Variants in CSMD2 observed in about 807,000 individuals in gnomAD.
CSMD2 encodes the protein CUB and Sushi multiple domains 2, also known as CUB and sushi domain-containing protein 2.
A neutral mutation model predicts 398.5 loss-of-function variants in CSMD2; 130 were observed. The ratio of observed to expected loss-of-function variants is 0.33; its 90% CI spans 0.28 to 0.38. The LOEUF (loss-of-function observed/expected upper bound fraction) is 0.38. Ranked by LOEUF, CSMD2 falls within the 10% of genes least tolerant of loss-of-function variation. The pLI, the probability that CSMD2 is intolerant of heterozygous loss-of-function variation, is 1.00. For missense variants in CSMD2, 3,829 were observed against 4,764.9 expected (o/e 0.80, Z 5.78); for synonymous variants, 1,828 against 1,908.5 (o/e 0.96, Z 1.10).
At chr1:33,724,729 G>T (rs755427373) in intron 17 of CSMD2, 25 bp from the exon 18 acceptor site, 1 of 1,604,818 alleles carries the variant, frequency 6.2e-7, no homozygotes, top group Non-Finnish European at 8.5e-7. Flanking sequence ...CCACAGCTGG[G>T]ACAGACAGCT....
rs1350304859 is a variant in CSMD2, at chr1:34,164,371, A to T, written c.187+540T>A. Among the ~76,000 whole-genome samples the T allele has an allele frequency of 2.6e-5, 4 of 151,916 alleles. No homozygotes were observed. The highest frequency in any genetic ancestry group is 4.4e-5 in the Non-Finnish European group (3 of 67,910). On this transcript the variant is annotated intron_variant, in intron 1 of 70. Transcript: ENST00000373381. This position sits in a 1 kb window ranked among gnomAD's most constrained non-coding sequence, Gnocchi z 6.2. ...ATTTGAGGAGGGGGATGGCGGCCGC[A>T]GTCTGCAGTCGGTTCCAGAGGGGGC...
chr1:33,997,169 C>G (rs776768009), intron 3 of CSMD2, among the ~76,000 whole-genome samples: 5 of 152,174 alleles, frequency 3.3e-5, no homozygotes, highest in Non-Finnish European at 7.4e-5. Context: ...GGTTTCCCTG[C>G]TCATCGATGC....
At chr1:33,994,318 C>T (rs1646656722) in intron 3 of CSMD2, among the ~76,000 whole-genome samples, 1 of 151,976 alleles carries the variant, frequency 6.6e-6, no homozygotes, top group South Asian at 2.1e-4. Flanking sequence ...GACAGGCAGG[C>T]AAATTTCATT....
rs1557861509 is a variant in CSMD2, at chr1:33,766,198, G to GT, written c.1846+6370_1846+6371insA. 4.2e-4 allele frequency among the ~76,000 whole-genome samples: 64 copies of GT among 152,102 alleles called. 1 individual carries two copies. The highest frequency in any genetic ancestry group is 3.4e-3 in the Middle Eastern group (1 of 294). ...CAGTGTGGGCGCGCGTGTGTGTGTG[G>GT]GTGTTTATGTGTGCGTCAATGTATC... On this transcript the variant is annotated intron_variant, in intron 13 of 70. Coordinates refer to ENST00000373381, the MANE Select transcript of CSMD2 (RefSeq NM_001281956.2).
chr1:34,106,245 T>C (rs1660515426), intron 1 of CSMD2, among the ~76,000 whole-genome samples: 1 of 152,118 alleles, frequency 6.6e-6, no homozygotes, highest in South Asian at 2.1e-4. Context: ...TGCTGTTCAA[T>C]CTTAGGGGAA....
chr1:33,874,374 A>G (rs1640686760), intron 5 of CSMD2, among the ~76,000 whole-genome samples: 2 of 152,256 alleles, frequency 1.3e-5, no homozygotes, highest in African/African-American at 2.4e-5. Flanking sequence ...CATTTTACAG[A>G]CAACTTGAAC....
chr1:34,010,525 G>A (rs1477857366), intron 3 of CSMD2, among the ~76,000 whole-genome samples: 2 of 152,140 alleles, frequency 1.3e-5, no homozygotes, highest in African/African-American at 2.4e-5. Flanking sequence ...TGACTGGCCC[G>A]AGGTCACAAA....
At chr1:33,646,983 A>G (rs1571073931) in intron 28 of CSMD2, 148 bp from the exon 29 acceptor site, 1 of 739,760 alleles carries the variant, frequency 1.4e-6, no homozygotes, top group South Asian at 1.9e-5. Context: ...GGCTGGTGGG[A>G]AGGGAGAAGA....
intron 1 of CSMD2, among the ~76,000 whole-genome samples, chr1:34,092,655 C>T (rs910069659): frequency 2.0e-5 from 3 of 152,122 alleles, no homozygotes; most frequent in Non-Finnish European, 4.4e-5. Context: ...ACGGACGGCA[C>T]CTGGAGAATC....
chr1:33,981,424 T>TG (rs1406245496), intron 3 of CSMD2, among the ~76,000 whole-genome samples: 2 of 152,226 alleles, frequency 1.3e-5, no homozygotes, highest in Non-Finnish European at 2.9e-5. Context: ...AGGTAAGGCT[T>TG]GCTCAAGATT....
intron 4 of CSMD2, among the ~76,000 whole-genome samples, chr1:33,925,689 T>C (rs1269936440): frequency 2.6e-5 from 4 of 152,150 alleles, no homozygotes; most frequent in African/African-American, 7.2e-5. Context: ...TGGGCCTGAT[T>C]ACACCACTCT....
chr1:33,694,894 G>T (rs2149103592), intron 24 of CSMD2, among the ~76,000 whole-genome samples: 1 of 152,280 alleles, frequency 6.6e-6, no homozygotes, highest in East Asian at 1.9e-4. Context: ...TCTGCTGGCT[G>T]CCAGGACAGC....
chr1:33,738,305 C>T (rs1646947175), intron 15 of CSMD2, among the ~76,000 whole-genome samples: 1 of 152,044 alleles, frequency 6.6e-6, no homozygotes, highest in African/African-American at 2.4e-5. Flanking sequence ...CCCCAAGGGG[C>T]CCTTGGGATA....
intron 6 of CSMD2, among the ~76,000 whole-genome samples, chr1:33,829,590 G>A (rs571216134): frequency 3.4e-4 from 52 of 152,254 alleles, no homozygotes; most frequent in African/African-American, 1.1e-3. Context: ...CGCAGAAGAA[G>A]GGTGATTTCT....
intron 3 of CSMD2, among the ~76,000 whole-genome samples, chr1:33,970,404 C>T (rs867991386): frequency 3.9e-5 from 6 of 152,188 alleles, no homozygotes; most frequent in Middle Eastern, 3.2e-3. Context: ...CATTCCAGAT[C>T]TTGCCCATTG....
chr1:33,709,328 T>G, intron 21 of CSMD2, 70 bp from the exon 22 acceptor site: 5 of 1,349,490 alleles, frequency 3.7e-6, no homozygotes, highest in Non-Finnish European at 5.1e-6. Context: ...CTCACAGCTC[T>G]GAAGAACCTG....
At chr1:33,729,787 T>G (rs1003154465) in intron 15 of CSMD2, among the ~76,000 whole-genome samples, 5 of 152,152 alleles carry the variant, frequency 3.3e-5, no homozygotes, top group African/African-American at 1.2e-4. Context: ...ATCCATCAGA[T>G]AGGCAAAATC....
intron 6 of CSMD2, among the ~76,000 whole-genome samples, chr1:33,844,060 C>T (rs149078243): frequency 2.8e-4 from 42 of 152,326 alleles, no homozygotes; most frequent in African/African-American, 9.6e-4. Flanking sequence ...AACCCTCTAC[C>T]GTTAAAGCTG....
intron 2 of CSMD2, among the ~76,000 whole-genome samples, chr1:34,064,702 C>T (rs924385161): frequency 3.9e-5 from 6 of 152,150 alleles, no homozygotes; most frequent in African/African-American, 1.2e-4. Context: ...TCCACATTTT[C>T]GGGTATCTTT....
Sources: gnomAD v4.1 joint callset for allele counts (sites outside exome capture counted in the v4.1 genomes callset) on GRCh38, gnomAD v4.1.1 for gene constraint, Gnocchi (gnomAD v3.1) non-coding constraint, MANE v1.5 for transcripts, NCBI Gene and HGNC (gene_info 2026-07-23, HGNC 2026-07-21) for gene names.